Variants in CPQ observed in about 807,000 individuals in gnomAD.
The protein encoded by CPQ is Ser-Met dipeptidase.
Under a neutral mutation model 45.7 loss-of-function variants are expected in CPQ, and 37 were observed. The ratio of observed to expected loss-of-function variants is 0.81; its 90% CI spans 0.62 to 1.07. CPQ has a LOEUF of 1.07. CPQ is among the 50% of genes least tolerant of loss of function. CPQ has a pLI of 0.00. For synonymous variants in CPQ, 186 were observed against 205.8 expected (o/e 0.90, Z 0.82); for missense variants, 537 against 572.9 (o/e 0.94, Z 0.64).
chr8:97,043,584 A>G (rs1810174890), intron 6 of CPQ, among the ~76,000 whole-genome samples: 1 of 152,130 alleles, frequency 6.6e-6, no homozygotes, highest in Non-Finnish European at 1.5e-5. Context: ...CCTAGCCTCG[A>G]TGGTCTTTAC....
chr8:96,834,833 G>A, intron 2 of CPQ, 140 bp from the exon 3 acceptor site: 1 of 625,970 alleles, frequency 1.6e-6, no homozygotes, highest in Non-Finnish European at 2.6e-6. Flanking sequence ...TTTTCCCATG[G>A]TAAATGGCTC....
intron 7 of CPQ, among the ~76,000 whole-genome samples, chr8:97,104,111 T>C (rs1355055616): frequency 6.6e-6 from 1 of 152,224 alleles, no homozygotes; most frequent in Non-Finnish European, 1.5e-5. Flanking sequence ...CTAGTATGCA[T>C]GGCACATAAT....
intron 3 of CPQ, among the ~76,000 whole-genome samples, chr8:96,864,193 T>G (rs1811966480): frequency 6.6e-6 from 1 of 152,052 alleles, no homozygotes; most frequent in South Asian, 2.1e-4. Context: ...ACTGGCTTAT[T>G]CTGGAGTTGG....
intron 5 of CPQ, among the ~76,000 whole-genome samples, chr8:96,967,378 G>GACTT (rs1457136479): frequency 6.6e-6 from 1 of 152,080 alleles, no homozygotes; most frequent in Non-Finnish European, 1.5e-5. Flanking sequence ...GAATGCTCTG[G>GACTT]ACTTCATTTT....
At chr8:96,755,940 C>G (rs543149907) in intron 1 of CPQ, among the ~76,000 whole-genome samples, 5 of 152,034 alleles carry the variant, frequency 3.3e-5, no homozygotes, top group Admixed American at 2.6e-4. Flanking sequence ...ATTAGTGCAG[C>G]AGGATATCAA....
At chr8:97,036,241 C>T (rs914734427) in intron 6 of CPQ, among the ~76,000 whole-genome samples, 17 of 152,052 alleles carry the variant, frequency 1.1e-4, no homozygotes, top group Non-Finnish European at 2.2e-4. Context: ...AAGGGGAGGA[C>T]GATTCCCTCA....
intron 1 of CPQ, among the ~76,000 whole-genome samples, chr8:96,683,691 T>G (rs1809183102): frequency 6.6e-6 from 1 of 152,054 alleles, no homozygotes; most frequent in Admixed American, 6.6e-5. Context: ...GTCCCATATA[T>G]TATCTAGGCT....
chr8:96,778,881 A>G (rs1432266600), intron 1 of CPQ, among the ~76,000 whole-genome samples: 1 of 152,082 alleles, frequency 6.6e-6, no homozygotes, highest in Non-Finnish European at 1.5e-5. Flanking sequence ...CCTGGCCAAT[A>G]TGGTGAAAAG....
intron 6 of CPQ, among the ~76,000 whole-genome samples, chr8:97,052,618 G>C (rs2130508324): frequency 6.6e-6 from 1 of 152,028 alleles, no homozygotes; most frequent in African/African-American, 2.4e-5. Flanking sequence ...AAGTTATTTT[G>C]GTGAGTCTAA....
chr8:96,697,714 CAACA>C, intron 1 of CPQ, among the ~76,000 whole-genome samples: 1 of 152,112 alleles, frequency 6.6e-6, no homozygotes, highest in East Asian at 1.9e-4. Flanking sequence ...TATATGCCAA[CAACA>C]AACAATCTAA....
intron 1 of CPQ, among the ~76,000 whole-genome samples, chr8:96,720,320 T>C (rs1489717162): frequency 6.6e-6 from 1 of 152,230 alleles, no homozygotes; most frequent in Non-Finnish European, 1.5e-5. Flanking sequence ...TTTGTGGATC[T>C]AGTCATTTTT....
In CPQ at chr8:96,709,828, T is replaced by C. The variant is rs1809583640; in HGVS notation, c.-35+64426T>C. Among the ~76,000 whole-genome samples the C allele has an allele frequency of 2.6e-5, 4 of 152,300 alleles. No homozygotes were observed. The South Asian group carries it at 8.3e-4, about 32-fold the overall frequency. The stretch of plus-strand genomic sequence containing the variant: ...TTTGCATTAATGTTCATCAGGAATA[T>C]TGGTCTGTAGTTTTCTTTTTTTGTT... On this transcript the variant is annotated intron_variant, in intron 1 of 7. Transcript: ENST00000220763.
At chr8:96,852,235 G>T (rs1300906778) in intron 3 of CPQ, among the ~76,000 whole-genome samples, 1 of 152,180 alleles carries the variant, frequency 6.6e-6, no homozygotes, top group Non-Finnish European at 1.5e-5. Context: ...TGGAAAAAGT[G>T]CATTGGTCAT....
At chr8:97,142,102 A>C (rs1812177906) in intron 7 of CPQ, among the ~76,000 whole-genome samples, 1 of 152,170 alleles carries the variant, frequency 6.6e-6, no homozygotes, top group Non-Finnish European at 1.5e-5. Flanking sequence ...TCATTCTTGC[A>C]TTAAATTATG....
intron 4 of CPQ, among the ~76,000 whole-genome samples, chr8:96,962,260 T>C (rs1813472236): frequency 6.6e-6 from 1 of 152,240 alleles, no homozygotes; most frequent in Non-Finnish European, 1.5e-5. Context: ...AGTTGTTTTG[T>C]TACAGCTGCT....
intron 6 of CPQ, among the ~76,000 whole-genome samples, chr8:97,041,335 G>T (rs1030179153): frequency 2.6e-5 from 4 of 152,086 alleles, no homozygotes; most frequent in Non-Finnish European, 4.4e-5. Context: ...CATTGATTTT[G>T]TATCCTGAGA....
chr8:96,908,404 A>T (rs1226290641), intron 4 of CPQ, among the ~76,000 whole-genome samples: 2 of 152,106 alleles, frequency 1.3e-5, no homozygotes, highest in Non-Finnish European at 2.9e-5. Flanking sequence ...TTGGCATGTG[A>T]CAGAGACTGT....
chr8:96,665,789 T>C (rs186018500), intron 1 of CPQ, among the ~76,000 whole-genome samples: 16 of 152,302 alleles, frequency 1.1e-4, no homozygotes, highest in Admixed American at 1.0e-3. Context: ...GCTCTCAGTA[T>C]ATGGTAGGCA....
chr8:96,809,299 T>C (rs1025887697), intron 2 of CPQ, among the ~76,000 whole-genome samples: 22 of 152,180 alleles, frequency 1.4e-4, no homozygotes, highest in African/African-American at 5.1e-4. Context: ...ATATTCACCG[T>C]AGTTTTATTC....
Sources: allele counts gnomAD v4.1 joint callset (sites outside exome capture counted in the v4.1 genomes callset), GRCh38; gene constraint gnomAD v4.1.1; transcripts MANE v1.5; gene names NCBI Gene and HGNC (gene_info 2026-07-23, HGNC 2026-07-21).